Variants in WDR7 observed in about 807,000 individuals in gnomAD.
The protein encoded by WDR7 is WD repeat-containing protein 7.
WDR7 carries 46 observed loss-of-function variants against 169.4 expected under a neutral mutation model. That is an observed-to-expected ratio of 0.27 (90% confidence interval 0.21 to 0.35). The LOEUF is 0.35. WDR7 is among the 10% of genes least tolerant of loss of function. The pLI, the probability that WDR7 is intolerant of heterozygous loss-of-function variation, is 1.00. For synonymous variants in WDR7, 612 were observed against 666.8 expected, an observed-to-expected ratio of 0.92 and a Z score of 1.27; for missense variants, 1,534 against 1,859.3, an observed-to-expected ratio of 0.83 and a Z score of 3.22.
chr18:56,866,270 T>C (rs2045881607), intron 20 of WDR7, among the ~76,000 whole-genome samples: 1 of 152,160 alleles, frequency 6.6e-6, no homozygotes, highest in Admixed American at 6.6e-5. Flanking sequence ...CATCTTACCT[T>C]GGACCTAAGA....
rs544142838 is a variant in WDR7 at position 56,694,390 on chromosome 18, A to G, written c.967-229A>G. Among the ~76,000 whole-genome samples, 8 of 152,314 alleles carry G rather than the reference A, an allele frequency of 5.3e-5. No homozygotes were observed. In the East Asian group the frequency reaches 1.5e-3, roughly 29 times the overall value. ...AACTTTAGAGAAAGGCTGTAAATAC[A>G]GTTTTTGTTTCATTCAATGTGTGTG... On this transcript the variant is annotated intron_variant, in intron 9 of 27. Transcript: ENST00000254442.
chr18:56,914,585 C>T lies in WDR7; in HGVS notation c.3527-9337C>T, dbSNP rs138735359. On this transcript the variant is annotated intron_variant, in intron 21 of 27. Coordinates refer to ENST00000254442, the MANE Select transcript of WDR7 (RefSeq NM_015285.3). ...CGCTCATGCCATTCAATAGTCCTCC[C>T]GCTTTTGGGAAGGGGATATAGAAGT... Among the ~76,000 whole-genome samples the T allele has an allele frequency of 9.5e-3, 1,444 of 152,230 alleles. 18 individuals carry two copies. Among genetic ancestry groups the T allele is most frequent in the Non-Finnish European group, 0.014 (981 of 68,014 alleles).
Position 56,880,133 on chromosome 18 carries a change from G to A in WDR7, c.3494G>A (p.Gly1165Asp). 1 of 1,614,018 alleles carries A rather than the reference G, an allele frequency of 6.2e-7. No homozygotes were observed. The highest frequency in any genetic ancestry group is 8.5e-7 in the Non-Finnish European group (1 of 1,179,942). Residue 1165 changes from glycine to aspartate, a missense_variant, in exon 21 of 28, where the codon GGT (glycine) becomes GAT (aspartate). By Grantham distance (94) the Gly-to-Asp change is moderately conservative. Transcript: ENST00000254442. ...CCTGAGGGATTCGGGTTGACTAGTGGTGGATCCAACTACTCGCTGGCCAGA... is the reference window on the plus strand; with the variant it reads ...CCTGAGGGATTCGGGTTGACTAGTGATGGATCCAACTACTCGCTGGCCAGA... ...QIPEGFGLTS[G>D]GSNYSLARHT...
At chr18:56,935,988 A>G in intron 23 of WDR7, 83 bp downstream of exon 23, 1 of 1,250,014 alleles carries the variant, frequency 8.0e-7, no homozygotes, top group South Asian at 1.4e-5. Context: ...ATATCCACAA[A>G]TCCCCTTTAC....
chr18:56,778,886 T>C (rs1357219188), intron 17 of WDR7, among the ~76,000 whole-genome samples: 1 of 152,220 alleles, frequency 6.6e-6, no homozygotes, highest in African/African-American at 2.4e-5. Flanking sequence ...TTAGATATTA[T>C]GGTTAGATAT....
chr18:56,726,534 A>C (rs1338502222), intron 13 of WDR7, among the ~76,000 whole-genome samples: 2 of 152,206 alleles, frequency 1.3e-5, no homozygotes, highest in Non-Finnish European at 1.5e-5. Flanking sequence ...GTTGCTTATC[A>C]GCTTAAGGAG....
chr18:56,959,731 T>A (rs1294473417), intron 25 of WDR7, among the ~76,000 whole-genome samples: 1 of 152,144 alleles, frequency 6.6e-6, no homozygotes, highest in Non-Finnish European at 1.5e-5. Flanking sequence ...AAAGTGCAGC[T>A]TTAAAAACTA....
At chr18:57,003,151 T>C (rs981816004) in intron 26 of WDR7, among the ~76,000 whole-genome samples, 9 of 152,136 alleles carry the variant, frequency 5.9e-5, no homozygotes, top group Non-Finnish European at 1.0e-4. Context: ...TATAGATTTA[T>C]TACAGTGTCC....
At chr18:56,856,867 TAA>T (rs2145392872) in intron 20 of WDR7, among the ~76,000 whole-genome samples, 1 of 152,324 alleles carries the variant, frequency 6.6e-6, no homozygotes, top group South Asian at 2.1e-4. Flanking sequence ...ACAGCTATTC[TAA>T]AAGTTTTTTA....
At chr18:57,021,804 T>C (rs1436829151) in intron 27 of WDR7, among the ~76,000 whole-genome samples, 1 of 152,230 alleles carries the variant, frequency 6.6e-6, no homozygotes, top group Non-Finnish European at 1.5e-5. Flanking sequence ...AGATTCAGTT[T>C]ATTGCTTTGA....
At chr18:56,901,306 G>C (rs575049512) in intron 21 of WDR7, among the ~76,000 whole-genome samples, 1 of 152,228 alleles carries the variant, frequency 6.6e-6, no homozygotes, top group East Asian at 1.9e-4. Context: ...CTTAAGTTTT[G>C]AAAGGACAAT....
At chr18:56,680,728 A>G (rs1282868500) in intron 3 of WDR7, among the ~76,000 whole-genome samples, 1 of 152,230 alleles carries the variant, frequency 6.6e-6, no homozygotes, top group African/African-American at 2.4e-5. Flanking sequence ...ATTACAATAC[A>G]TACAGAATGA....
intron 16 of WDR7, among the ~76,000 whole-genome samples, chr18:56,772,322 T>C (rs902874942): frequency 5.9e-5 from 9 of 152,094 alleles, no homozygotes; most frequent in Non-Finnish European, 1.2e-4. Context: ...AGGGGAGCAC[T>C]TGTGACCTGA....
chr18:56,755,721 C>T (rs1157295667), intron 14 of WDR7, among the ~76,000 whole-genome samples: 1 of 152,046 alleles, frequency 6.6e-6, no homozygotes, highest in East Asian at 1.9e-4. Context: ...GTGATAGTTC[C>T]CATGTAGGGG....
chr18:56,958,850 A>G lies in WDR7; in HGVS notation c.4065-3580A>G, dbSNP rs763813392. ...AATCCATGTTTAGCATAGATCATAC[A>G]CTGGATAATGGGTAAGTGTAATGTT... On this transcript the variant is annotated intron_variant, in intron 25 of 27. Transcript: ENST00000254442. Among the ~76,000 whole-genome samples the G allele has an allele frequency of 8.5e-5, 13 of 152,258 alleles. No individual in the cohort carries two copies. The South Asian group carries it at 2.7e-3, about 32-fold the overall frequency.
chr18:56,712,503 C>T (rs774307197), intron 12 of WDR7, among the ~76,000 whole-genome samples: 1 of 152,178 alleles, frequency 6.6e-6, no homozygotes. Context: ...TTTCTCCCCT[C>T]TCCTTGCTTT....
At chr18:56,846,261 A>G (rs931953881) in intron 20 of WDR7, among the ~76,000 whole-genome samples, 5 of 151,996 alleles carry the variant, frequency 3.3e-5, no homozygotes, top group African/African-American at 1.2e-4. Flanking sequence ...ATCCCTTATT[A>G]ATGGTGGTAT....
At chr18:56,904,713 A>G (rs1265234287) in intron 21 of WDR7, among the ~76,000 whole-genome samples, 2 of 152,166 alleles carry the variant, frequency 1.3e-5, no homozygotes, top group Non-Finnish European at 2.9e-5. Flanking sequence ...TAGGATTATT[A>G]AGTGACTATG....
In WDR7 at chr18:56,883,712, T is replaced by C. The variant is rs556034275; in HGVS notation, c.3526+3547T>C. 2.4e-3 allele frequency among the ~76,000 whole-genome samples: 358 copies of C among 152,188 alleles called. 1 individual carries two copies. The highest frequency in any genetic ancestry group is 8.1e-3 in the African/African-American group (336 of 41,542). On this transcript the variant is annotated intron_variant, in intron 21 of 27. Coordinates refer to ENST00000254442, the MANE Select transcript of WDR7 (RefSeq NM_015285.3). ...AATGTCCATTGTATCATTCTTATGCTTTTGAGACATCATAGCTTAGTTCCC... is the reference window on the plus strand; with the variant it reads ...AATGTCCATTGTATCATTCTTATGCCTTTGAGACATCATAGCTTAGTTCCC...
Sources: allele counts gnomAD v4.1 joint callset (sites outside exome capture counted in the v4.1 genomes callset), GRCh38; gene constraint gnomAD v4.1.1; transcripts MANE v1.5; gene names NCBI Gene and HGNC (gene_info 2026-07-23, HGNC 2026-07-21).